SEZ6: variants seen among roughly 807,000 people sequenced by gnomAD.
SEZ6 encodes the protein seizure protein 6 homolog.
Under a neutral mutation model 101.0 loss-of-function variants are expected in SEZ6, and 53 were observed. The ratio of observed to expected loss-of-function variants is 0.52; its 90% CI spans 0.42 to 0.66. SEZ6 has a LOEUF of 0.66. Ranked by LOEUF, SEZ6 falls within the 30% of genes least tolerant of loss-of-function variation. SEZ6 has a pLI of 0.00. For missense variants in SEZ6, 1,102 were observed against 1,289.4 expected (o/e 0.85, Z 2.23); for synonymous variants, 488 against 512.2 (o/e 0.95, Z 0.64).
chr17:28,959,574 T>G lies in SEZ6; in HGVS notation c.1772-102A>C. ...CCACAAATTGCTGGGACCCCCCACC[T>G]CCTCCTTGGAGGAAGCCTGAACCAC... On this transcript the variant is annotated intron_variant, in intron 8 of 16. Transcript: ENST00000317338. The surrounding 1 kb of genome is among the most constrained non-coding windows in gnomAD (Gnocchi z 4.4). The G allele has an allele frequency of 6.4e-7, 1 of 1,551,662 alleles. No individual in the cohort carries two copies. The highest frequency in any genetic ancestry group is 8.7e-7 in the Non-Finnish European group (1 of 1,150,180).
At chr17:28,999,598 C>T (rs2041588123) in intron 1 of SEZ6, among the ~76,000 whole-genome samples, 1 of 152,206 alleles carries the variant, frequency 6.6e-6, no homozygotes, top group African/African-American at 2.4e-5. Flanking sequence ...GCCAACAACA[C>T]TCTGCCTGTG....
chr17:28,959,166 C>T lies in SEZ6; in HGVS notation c.1966G>A (p.Ala656Thr). The change falls in exon 10 of 17, where the codon GCC (alanine) becomes ACC (threonine). Residue 656 changes from alanine to threonine, a missense_variant. Ala to Thr is a moderately conservative substitution (Grantham distance 58). Coordinates refer to ENST00000317338, the MANE Select transcript of SEZ6 (RefSeq NM_178860.5). The surrounding 1 kb of genome is among the most constrained non-coding windows in gnomAD (Gnocchi z 4.4). ...LTFYDGDDLT[A>T]RVLGQYSGPR... ...CCTGAGTACTGGCCCAGAACCCGGG[C>T]CGTCAGGTCATCCCCATCATAGAAG... The T allele has an allele frequency of 6.2e-7, 1 of 1,613,688 alleles. No individual in the cohort carries two copies. Among genetic ancestry groups the T allele is most frequent in the Non-Finnish European group, 8.5e-7 (1 of 1,179,756 alleles).
Position 28,981,677 on chromosome 17 carries a change from A to G in SEZ6, c.418T>C (p.Trp140Arg). The change falls in exon 2 of 17, where the codon TGG becomes CGG. Residue 140 changes from tryptophan to arginine, a missense_variant. By Grantham distance (101) the Trp-to-Arg change is moderately radical (BLOSUM62 -3). Transcript: ENST00000317338. ...PTQPQSKEGP[W>R]SPESESPMLR... ...ATAGGGGACTCTGACTCCGGACTCC[A>G]GGGTCCCTCCTTGGACTGGGGCTGA... The G allele has an allele frequency of 6.3e-7, 1 of 1,577,552 alleles. No homozygotes were observed. The highest frequency in any genetic ancestry group is 8.6e-7 in the Non-Finnish European group (1 of 1,157,682).
chr17:28,990,561 G>A (rs1399977169), intron 1 of SEZ6, among the ~76,000 whole-genome samples: 2 of 151,994 alleles, frequency 1.3e-5, no homozygotes, highest in Non-Finnish European at 2.9e-5. Flanking sequence ...CACTGTGCCT[G>A]GCAAGACTTT....
At chr17:28,971,344 G>C (rs1394585350) in intron 3 of SEZ6, among the ~76,000 whole-genome samples, 1 of 152,160 alleles carries the variant, frequency 6.6e-6, no homozygotes, top group Non-Finnish European at 1.5e-5. Context: ...TGTAATCCCA[G>C]CACTTTGGGA....
In SEZ6 at chr17:29,005,842, G is replaced by A; in HGVS notation, c.28C>T (p.Pro10Ser). 2 of 1,483,404 alleles carry A rather than the reference G, an allele frequency of 1.3e-6. No homozygotes were observed. Among genetic ancestry groups the A allele is most frequent in the East Asian group, 2.8e-5 (1 of 35,366 alleles). 91.9% of individuals were successfully genotyped at this position (1,483,404 alleles called of 1,614,324 possible). MRPVALLLLPSLLALLAHGL... is the reference protein window; with the variant it reads MRPVALLLLSSLLALLAHGL... ...TGAGCCAGGAGCGCCAGCAGCGAGG[G>A]CAGGAGCAGCAGGGCTACCGGGCGC... The change falls in exon 1 of 17, where the codon CCC becomes TCC. Residue 10 changes from proline to serine, a missense_variant. Pro to Ser is a moderately conservative substitution (Grantham distance 74, BLOSUM62 -1). Transcript: ENST00000317338. The surrounding 1 kb of genome is among the most constrained non-coding windows in gnomAD (Gnocchi z 4.8).
At chr17:28,979,593 C>A in intron 3 of SEZ6, 87 bp downstream of exon 3, 3 of 1,578,208 alleles carry the variant, frequency 1.9e-6, no homozygotes, top group Non-Finnish European at 2.6e-6. Context: ...CCCTAATCAT[C>A]CCCACATCCT....
intron 4 of SEZ6, among the ~76,000 whole-genome samples, chr17:28,966,799 C>A (rs1011211205): frequency 6.6e-6 from 1 of 152,152 alleles, no homozygotes; most frequent in Non-Finnish European, 1.5e-5. Flanking sequence ...TCAGGGCAGA[C>A]CAGGGTCCAG....
intron 1 of SEZ6, among the ~76,000 whole-genome samples, chr17:29,002,021 T>C (rs2041621405): frequency 6.6e-6 from 1 of 151,768 alleles, no homozygotes; most frequent in Non-Finnish European, 1.5e-5. Context: ...CTTAACCACC[T>C]GGATTGAGAA....
At chr17:28,967,288 A>G (rs894326956) in intron 4 of SEZ6, among the ~76,000 whole-genome samples, 10 of 152,206 alleles carry the variant, frequency 6.6e-5, no homozygotes, top group Non-Finnish European at 1.5e-4. Context: ...AAAGGCAGGC[A>G]AGGTAGGGGC....
chr17:29,005,768 G>A lies in SEZ6; in HGVS notation c.55+47C>T, dbSNP rs1256155538. 3 of 1,469,254 alleles carry A rather than the reference G, an allele frequency of 2.0e-6. No individual in the cohort carries two copies. Among genetic ancestry groups the A allele is most frequent in the African/African-American group, 1.5e-5 (1 of 68,042 alleles). The allele number at this position is 1,469,254 out of a possible 1,614,324, so 91.0% of individuals were successfully genotyped here. On this transcript the variant is annotated intron_variant, in intron 1 of 16. Transcript: ENST00000317338. The surrounding 1 kb of genome is among the most constrained non-coding windows in gnomAD (Gnocchi z 4.8). ...CCGGGTCTCCCTTCCCACCCCTGGG[G>A]CCCCGCTCCCGCCCCCGTCCTGCCG... is the stretch of plus-strand genomic sequence containing the variant.
rs2041123762 is a variant in SEZ6, at chr17:28,969,784, G to A, written c.1027C>T (p.Pro343Ser). The A allele has an allele frequency of 2.0e-6, 3 of 1,507,648 alleles. No individual in the cohort carries two copies. The highest frequency in any genetic ancestry group is 2.6e-6 in the Non-Finnish European group (3 of 1,137,736). 93.4% of individuals were successfully genotyped at this position (1,507,648 alleles called of 1,614,324 possible). ...RFQSLPPPAG[P>S]GTFHFHYQAY... ...TGGTAATGGAAATGGAAGGTGCCAGGGCCAGCCGGTGGCGGGAGGCTCTGG... is the reference window on the plus strand; with the variant it reads ...TGGTAATGGAAATGGAAGGTGCCAGAGCCAGCCGGTGGCGGGAGGCTCTGG... The change falls in exon 4 of 17, where the codon CCT becomes TCT. Residue 343 changes from proline (P) to serine (S), a missense_variant. This residue lies in a region of SEZ6 where 556 missense variants were observed against 735.1 expected (regional missense o/e 0.76). Transcript: ENST00000317338.
At chr17:28,968,528 G>A (rs895752565) in intron 4 of SEZ6, among the ~76,000 whole-genome samples, 4 of 152,230 alleles carry the variant, frequency 2.6e-5, no homozygotes, top group Non-Finnish European at 4.4e-5. Flanking sequence ...AGCCATTAGG[G>A]AGGCTAGCTG....
In SEZ6 at chr17:28,999,547, T is replaced by C. The variant is rs111770285; in HGVS notation, c.55+6268A>G. 8.1e-3 allele frequency among the ~76,000 whole-genome samples: 1,227 copies of C among 152,256 alleles called. 17 individuals carry two copies. Among genetic ancestry groups the C allele is most frequent in the African/African-American group, 0.027 (1,140 of 41,548 alleles). ...ATTGTTGTTGGAGAAGCCGCAGGTT[T>C]GTTTGCTCCGGAGCCCGCAGAGAAA... is the stretch of plus-strand genomic sequence containing the variant. On this transcript the variant is annotated intron_variant, in intron 1 of 16. Transcript: ENST00000317338.
At position 28,960,674 on chromosome 17, in the gene SEZ6, G is replaced by A; in HGVS notation, c.1410-3C>T. 6.2e-7 allele frequency: 1 copy of A among 1,609,578 alleles called. No homozygotes were observed. Among genetic ancestry groups the A allele is most frequent in the South Asian group, 1.1e-5 (1 of 90,342 alleles). ...TGTCCCCATTGCGAATGATGAGCCT[G>A]AACCAGGAGAGTGGCAGCTATGTAG... On this transcript the variant is annotated splice_polypyrimidine_tract_variant and splice_region_variant and intron_variant, in intron 6 of 16. Transcript: ENST00000317338.
chr17:28,990,505 T>A (rs990092664), intron 1 of SEZ6, among the ~76,000 whole-genome samples: 1 of 152,132 alleles, frequency 6.6e-6, no homozygotes. Flanking sequence ...ACTCAAGCAA[T>A]CTGCCCACCT....
At chr17:28,996,053 T>A (rs542502685) in intron 1 of SEZ6, among the ~76,000 whole-genome samples, 2 of 151,142 alleles carry the variant, frequency 1.3e-5, no homozygotes, top group Admixed American at 1.3e-4. Context: ...CAGGCTGGAG[T>A]GCAGTGGCGA....
At chr17:28,991,706 A>T (rs1045214076) in intron 1 of SEZ6, among the ~76,000 whole-genome samples, 5 of 152,110 alleles carry the variant, frequency 3.3e-5, no homozygotes, top group Non-Finnish European at 7.4e-5. Context: ...ATTGGCAGGG[A>T]GAGATGACAA....
chr17:28,958,429 C>T (rs769629051), intron 10 of SEZ6, among the ~76,000 whole-genome samples: 1 of 152,210 alleles, frequency 6.6e-6, no homozygotes, highest in Admixed American at 6.5e-5. Context: ...GGGAAATCGT[C>T]ACTTCTATGA....
Sources: gnomAD v4.1 joint callset for allele counts (sites outside exome capture counted in the v4.1 genomes callset) on GRCh38, gnomAD v4.1.1 for gene constraint, gnomAD v4.1.1 regional missense constraint, Gnocchi (gnomAD v3.1) non-coding constraint, MANE v1.5 for transcripts, NCBI Gene and HGNC (gene_info 2026-07-23, HGNC 2026-07-21) for gene names.